Variants in CDH8 observed in about 807,000 individuals in gnomAD.
CDH8 encodes the protein cadherin 8.
A neutral mutation model predicts 68.1 loss-of-function variants in CDH8; 17 were observed. That is an observed-to-expected ratio of 0.25 (90% CI 0.17 to 0.37). The LOEUF is 0.37. Ranked by LOEUF, CDH8 falls within the 10% of genes least tolerant of loss-of-function variation. The probability of loss-of-function intolerance (pLI) is 1.00; values close to 1 mark genes in which losing one functional copy is unlikely to be tolerated. For missense variants in CDH8, 763 were observed against 999.3 expected (o/e 0.76, Z 3.19); for synonymous variants, 372 against 365.1 (o/e 1.02, Z -0.21).
chr16:61,647,693 T>C lies in CDH8; in HGVS notation c.*5915A>G, dbSNP rs1476362965. On this transcript the variant is annotated 3_prime_UTR_variant, in exon 12 of 12. Transcript: ENST00000577390. ...ATAATTGTTAAAATTTTCCTCTTAT[T>C]TTTGAGGAATCATAGGATGGCCTGA... 1 of 644,158 alleles carries C rather than the reference T, an allele frequency of 1.6e-6. No individual in the cohort carries two copies. The highest frequency in any genetic ancestry group is 1.8e-5 in the African/African-American group (1 of 54,198). The allele number at this position is 644,158 out of a possible 1,614,324, so 39.9% of individuals were successfully genotyped here. A position where few individuals can be genotyped will look rare whatever the true frequency, so the allele number is the denominator to read the frequency against.
Position 61,857,121 on chromosome 16 carries a change from GT to G in CDH8, c.664del (p.Thr222GlnfsTer4). On this transcript the variant is annotated frameshift_variant, in exon 4 of 12. Coordinates refer to ENST00000577390, the MANE Select transcript of CDH8 (RefSeq NM_001796.5). LOFTEE classifies it high-confidence loss of function. Reference protein sequence around the residue: ...GQPYFSIEPETAIIKTALPNM... With the variant: ...GQPYFSIEPEXAIIKTALPNM... ...AATTCGAAATTTAGGCCACAAACCT[GT>G]TTCAGGCTCAATGGAAAAATAAGGC... 1 of 1,613,394 alleles carries G rather than the reference GT, an allele frequency of 6.2e-7. No individual in the cohort carries two copies. The highest frequency in any genetic ancestry group is 8.5e-7 in the Non-Finnish European group (1 of 1,179,496).
At chr16:61,971,987 G>A (rs893018671) in intron 2 of CDH8, among the ~76,000 whole-genome samples, 12 of 152,156 alleles carry the variant, frequency 7.9e-5, no homozygotes, top group Admixed American at 2.0e-4. Context: ...AACAAAACTT[G>A]TAGATATGGC....
intron 2 of CDH8, among the ~76,000 whole-genome samples, chr16:61,987,927 T>C (rs1965655607): frequency 6.6e-6 from 1 of 152,174 alleles, no homozygotes. Flanking sequence ...TTTTCATAAC[T>C]TCCCAAATAG....
At chr16:61,951,512 CAAA>C (rs574416496) in intron 2 of CDH8, among the ~76,000 whole-genome samples, 1 of 72,882 alleles carries the variant, frequency 1.4e-5, no homozygotes, top group Non-Finnish European at 3.1e-5. Context: ...GACTCCGTCT[CAAA>C]AAAAAAAAAA....
At chr16:61,950,592 AAAT>A (rs1342294507) in intron 2 of CDH8, among the ~76,000 whole-genome samples, 15 of 152,218 alleles carry the variant, frequency 9.9e-5, no homozygotes, top group Non-Finnish European at 2.2e-4. Context: ...TTTCCTTTGA[AAAT>A]AATTGAATAA....
At chr16:61,854,063 T>C (rs1037848108) in intron 4 of CDH8, among the ~76,000 whole-genome samples, 3 of 151,924 alleles carry the variant, frequency 2.0e-5, no homozygotes, top group Non-Finnish European at 4.4e-5. Context: ...TATGTATACA[T>C]ATATGTGTGA....
At chr16:61,852,188 G>C (rs1962951173) in intron 4 of CDH8, among the ~76,000 whole-genome samples, 1 of 152,074 alleles carries the variant, frequency 6.6e-6, no homozygotes, top group Non-Finnish European at 1.5e-5. Context: ...TGATTTGACA[G>C]AGGAATTTAT....
intron 4 of CDH8, among the ~76,000 whole-genome samples, chr16:61,850,735 AT>A (rs1269450765): frequency 1.3e-5 from 2 of 151,850 alleles, no homozygotes; most frequent in African/African-American, 4.8e-5. Flanking sequence ...CCACATTTTC[AT>A]TTCTTAAACT....
intron 7 of CDH8, among the ~76,000 whole-genome samples, chr16:61,809,100 C>T (rs1048825773): frequency 6.6e-6 from 1 of 151,758 alleles, no homozygotes; most frequent in Admixed American, 6.6e-5. Context: ...GCAGGAGAAT[C>T]GCTTGAACCC....
intron 3 of CDH8, among the ~76,000 whole-genome samples, chr16:61,900,928 AAATTCAGCTT>A (rs1963958011): frequency 6.6e-6 from 1 of 152,254 alleles, no homozygotes; most frequent in Non-Finnish European, 1.5e-5. Flanking sequence ...AGAGGAATAC[AAATTCAGCTT>A]ATTGAAGTAT....
intron 8 of CDH8, among the ~76,000 whole-genome samples, chr16:61,757,455 G>A (rs921287654): frequency 1.3e-5 from 2 of 152,008 alleles, no homozygotes; most frequent in African/African-American, 4.8e-5. Flanking sequence ...ATTATATTTT[G>A]TAACTTAATG....
chr16:61,674,225 C>T lies in CDH8; in HGVS notation c.1655-18504G>A, dbSNP rs150042440. ...AATAAGCCTCTTTGGGAGGCCAAGG[C>T]GGGCATATTATGAGTTCAGGAGTTC... is the stretch of plus-strand genomic sequence containing the variant. On this transcript the variant is annotated intron_variant, in intron 10 of 11. Coordinates refer to ENST00000577390, the MANE Select transcript of CDH8 (RefSeq NM_001796.5). 8.6e-3 allele frequency among the ~76,000 whole-genome samples: 1,306 copies of T among 151,988 alleles called. 7 individuals carry two copies. The highest frequency in any genetic ancestry group is 0.014 in the Non-Finnish European group (948 of 67,944).
intron 10 of CDH8, among the ~76,000 whole-genome samples, chr16:61,703,839 A>C (rs1964481198): frequency 1.3e-5 from 2 of 152,130 alleles, no homozygotes; most frequent in African/African-American, 4.8e-5. Flanking sequence ...CATATAAAAA[A>C]AAAAAGTTTT....
At chr16:62,017,537 G>C (rs542419974) in intron 2 of CDH8, among the ~76,000 whole-genome samples, 26 of 152,196 alleles carry the variant, frequency 1.7e-4, no homozygotes, top group Non-Finnish European at 2.9e-4. Flanking sequence ...AACAAAAATA[G>C]CCAAGCATGG....
chr16:61,956,024 T>C (rs1352508364), intron 2 of CDH8, among the ~76,000 whole-genome samples: 10 of 152,210 alleles, frequency 6.6e-5, no homozygotes. Context: ...TTATTAAGCT[T>C]ACAAATAATT....
Position 61,648,795 on chromosome 16 carries a change from C to G in CDH8, c.*4813G>C, listed in dbSNP as rs1240842356. On this transcript the variant is annotated 3_prime_UTR_variant, in exon 12 of 12. Transcript: ENST00000577390. ...AATTCTTTTTCCTCAGATAGTCCAT[C>G]AAGTCAGGAAATTTTTAAATTTTAT... The G allele has an allele frequency of 6.6e-6, 1 of 151,924 alleles. No individual in the cohort carries two copies. Among genetic ancestry groups the G allele is most frequent in the Non-Finnish European group, 1.5e-5 (1 of 67,906 alleles). 9.4% of individuals were successfully genotyped at this position (151,924 alleles called of 1,614,324 possible). A position where few individuals can be genotyped will look rare whatever the true frequency, so the allele number is the denominator to read the frequency against.
chr16:61,732,236 C>T (rs1342587828), intron 8 of CDH8, among the ~76,000 whole-genome samples: 1 of 151,686 alleles, frequency 6.6e-6, no homozygotes, highest in Non-Finnish European at 1.5e-5. Flanking sequence ...TATTGAGAAA[C>T]ACTAGCCTGT....
chr16:61,815,284 A>G (rs1169332742), intron 7 of CDH8, among the ~76,000 whole-genome samples: 6 of 152,202 alleles, frequency 3.9e-5, no homozygotes, highest in Non-Finnish European at 8.8e-5. Flanking sequence ...CAGTAACAGT[A>G]ATAAAAGTAG....
At chr16:61,706,244 A>G (rs1343397982) in intron 10 of CDH8, among the ~76,000 whole-genome samples, 2 of 152,218 alleles carry the variant, frequency 1.3e-5, no homozygotes, top group African/African-American at 4.8e-5. Context: ...GTTATTGTGA[A>G]TGATTTAAAA....
Sources: allele counts gnomAD v4.1 joint callset (sites outside exome capture counted in the v4.1 genomes callset), GRCh38; gene constraint gnomAD v4.1.1; transcripts MANE v1.5; gene names NCBI Gene and HGNC (gene_info 2026-07-23, HGNC 2026-07-21).